Variants in RPSA2 observed in about 807,000 individuals in gnomAD.
RPSA2 encodes the protein ribosomal protein SA 2.
chr19:23,831,463 A>G, the RPSA2 span: 1 of 152,406 alleles, frequency 6.6e-6, no homozygotes, highest in South Asian at 2.1e-4. Flanking sequence ...CTATAAATGA[A>G]TTAGAGCCTG....
chr19:23,813,836 C>T, the RPSA2 span, among the ~76,000 whole-genome samples: 14 of 150,262 alleles, frequency 9.3e-5, no homozygotes, highest in African/African-American at 3.4e-4. Context: ...GATTCTCCTG[C>T]CTCAGCCTCC....
At chr19:23,775,509 A>G in the RPSA2 span, among the ~76,000 whole-genome samples, 4 of 152,124 alleles carry the variant, frequency 2.6e-5, no homozygotes, top group African/African-American at 9.7e-5. Flanking sequence ...TAAATTCCTC[A>G]GGTGGTACAG....
chr19:23,812,052 T>C, the RPSA2 span, among the ~76,000 whole-genome samples: 2 of 152,230 alleles, frequency 1.3e-5, no homozygotes, highest in East Asian at 3.9e-4. Context: ...ACATTGCAGT[T>C]ATCTAGACAA....
At chr19:23,834,390 A>G in the RPSA2 span, among the ~76,000 whole-genome samples, 1 of 151,902 alleles carries the variant, frequency 6.6e-6, no homozygotes, top group Non-Finnish European at 1.5e-5. Context: ...TATATGAGAG[A>G]TTCTTGTTTA....
At chr19:23,867,517 C>A in the RPSA2 span, among the ~76,000 whole-genome samples, 1 of 133,924 alleles carries the variant, frequency 7.5e-6, no homozygotes, top group Non-Finnish European at 1.6e-5. Flanking sequence ...AACCCAATAT[C>A]AATAACTGGA....
At chr19:23,771,917 A>T in the RPSA2 span, among the ~76,000 whole-genome samples, 1 of 151,390 alleles carries the variant, frequency 6.6e-6, no homozygotes, top group African/African-American at 2.4e-5. Context: ...TAGGTGATGT[A>T]ATTCTGTTTT....
chr19:23,865,060 T>C, the RPSA2 span, among the ~76,000 whole-genome samples: 1 of 152,128 alleles, frequency 6.6e-6, no homozygotes, highest in South Asian at 2.1e-4. Context: ...AGTGGCAAAG[T>C]GGTGTCATGA....
the RPSA2 span, among the ~76,000 whole-genome samples, chr19:23,786,740 C>A: frequency 6.6e-6 from 1 of 152,074 alleles, no homozygotes; most frequent in African/African-American, 2.4e-5. Flanking sequence ...ACTGGCCTAG[C>A]ATCTAGGTGA....
At chr19:23,775,762 A>C in the RPSA2 span, among the ~76,000 whole-genome samples, 1 of 152,238 alleles carries the variant, frequency 6.6e-6, no homozygotes, top group South Asian at 2.1e-4. Flanking sequence ...CTAAGGTGAC[A>C]CAGCCAGTAA....
chr19:23,791,036 G>A, the RPSA2 span, among the ~76,000 whole-genome samples: 3 of 152,186 alleles, frequency 2.0e-5, no homozygotes, highest in Non-Finnish European at 2.9e-5. Context: ...CACCAGTAGC[G>A]CCACATCTCT....
chr19:23,761,842 G>A, the RPSA2 span, among the ~76,000 whole-genome samples: 1 of 151,096 alleles, frequency 6.6e-6, no homozygotes, highest in South Asian at 2.1e-4. Flanking sequence ...CCCTGGAATA[G>A]CCACTTCACA....
chr19:23,831,480 T>A, the RPSA2 span: 1 of 152,536 alleles, frequency 6.6e-6, no homozygotes, highest in African/African-American at 2.4e-5. Context: ...CCTGTGGTAT[T>A]TTGCAATGCC....
the RPSA2 span, chr19:23,758,730 G>GTA: frequency 1.2e-6 from 2 of 1,614,086 alleles, no homozygotes; most frequent in African/African-American, 2.7e-5. Context: ...TCGGGATGTC[G>GTA]GACCCGACAT....
chr19:23,772,313 G>T, the RPSA2 span, among the ~76,000 whole-genome samples: 1 of 152,074 alleles, frequency 6.6e-6, no homozygotes, highest in Admixed American at 6.6e-5. Context: ...ACATATCCCT[G>T]GCTGAGCACC....
chr19:23,766,142 C>CTTTTTTTTTTTTTTTTT, the RPSA2 span, among the ~76,000 whole-genome samples: 29 of 43,284 alleles, frequency 6.7e-4, 11 homozygotes, highest in African/African-American at 1.9e-3. Context: ...TATTTCATTT[C>CTTTTTTTTTTTTTTTTT]CTTTTTTTTT....
At chr19:23,858,277 G>T in the RPSA2 span, among the ~76,000 whole-genome samples, 1 of 140,768 alleles carries the variant, frequency 7.1e-6, no homozygotes, top group Non-Finnish European at 1.5e-5. Flanking sequence ...GGGGGTGGGT[G>T]ATGAGAAATT....
chr19:23,779,484 T>C, the RPSA2 span, among the ~76,000 whole-genome samples: 84 of 152,310 alleles, frequency 5.5e-4, no homozygotes, highest in East Asian at 0.014. Context: ...CATGGGTGAT[T>C]CAGCTCTCTC....
At chr19:23,787,954 G>T in the RPSA2 span, among the ~76,000 whole-genome samples, 3 of 152,190 alleles carry the variant, frequency 2.0e-5, no homozygotes, top group African/African-American at 7.2e-5. Flanking sequence ...CCGTAGGTTA[G>T]ATTGCAATAT....
the RPSA2 span, among the ~76,000 whole-genome samples, chr19:23,828,375 T>G: frequency 6.8e-6 from 1 of 146,694 alleles, no homozygotes; most frequent in Non-Finnish European, 1.5e-5. Flanking sequence ...TGAGTCTCTG[T>G]ATACTTTTGA....
Sources: gnomAD v4.1 joint callset for allele counts (sites outside exome capture counted in the v4.1 genomes callset) on GRCh38, gnomAD v4.1.1 for gene constraint, MANE v1.5 for transcripts, NCBI Gene and HGNC (gene_info 2026-07-23, HGNC 2026-07-21) for gene names.